DCC: variants seen among roughly 807,000 people sequenced by gnomAD.
The protein encoded by DCC is DCC netrin 1 receptor.
In DCC, 58 loss-of-function variants were observed where a neutral mutation model predicts 172.5. The ratio of observed to expected loss-of-function variants is 0.34; its 90% CI spans 0.27 to 0.42. DCC has a LOEUF of 0.42. DCC is among the 10% of genes least tolerant of loss of function. The pLI is 1.00. For synonymous variants in DCC, 709 were observed against 644.5 expected (o/e 1.10, Z -1.52); for missense variants, 1,740 against 1,791.0 (o/e 0.97, Z 0.51).
rs1330722397 is a variant in DCC, at chr18:53,351,314, T to TATATAC, written c.2359+11408_2359+11409insTATACA. Among the ~76,000 whole-genome samples the TATATAC allele has an allele frequency of 1.0e-3, 19 of 18,240 alleles. 1 individual carries two copies. Among genetic ancestry groups the TATATAC allele is most frequent in the South Asian group, 6.0e-3 (2 of 336 alleles). 12.0% of individuals were successfully genotyped at this position (18,240 alleles called of 152,430 possible). ...CAGTATATATATATATATATATATA[T>TATATAC]ACACTGTATATATATATACAGTGTA... is the stretch of plus-strand genomic sequence containing the variant. On this transcript the variant is annotated intron_variant, in intron 15 of 28. Coordinates refer to ENST00000442544, the MANE Select transcript of DCC (RefSeq NM_005215.4).
intron 25 of DCC, among the ~76,000 whole-genome samples, chr18:53,482,796 ATCAGT>A (rs1206596062): frequency 6.6e-6 from 1 of 151,998 alleles, no homozygotes; most frequent in Non-Finnish European, 1.5e-5. Flanking sequence ...GATCCATTTG[ATCAGT>A]AAGACAGGTG....
chr18:52,512,244 C>G (rs571988025), intron 1 of DCC, among the ~76,000 whole-genome samples: 29 of 152,308 alleles, frequency 1.9e-4, no homozygotes, highest in African/African-American at 6.3e-4. Context: ...CTTTCCTCTA[C>G]CATTCCTGTG....
chr18:52,983,935 G>GC (rs2145608918), intron 5 of DCC, among the ~76,000 whole-genome samples: 1 of 152,226 alleles, frequency 6.6e-6, no homozygotes, highest in Admixed American at 6.5e-5. Flanking sequence ...ATGGCACTGA[G>GC]CTGAGTTAGG....
chr18:52,890,210 G>C (rs1179110886), intron 2 of DCC, among the ~76,000 whole-genome samples: 2 of 152,148 alleles, frequency 1.3e-5, no homozygotes, highest in African/African-American at 2.4e-5. Context: ...AGTGTCTGCT[G>C]TGTACCAGGC....
intron 21 of DCC, among the ~76,000 whole-genome samples, chr18:53,421,090 T>C (rs1910623629): frequency 6.6e-6 from 1 of 152,154 alleles, no homozygotes; most frequent in African/African-American, 2.4e-5. Context: ...GCAATGGAGG[T>C]TAGCTGTAAC....
chr18:52,685,651 C>T (rs1030541049), intron 1 of DCC, among the ~76,000 whole-genome samples: 1 of 152,042 alleles, frequency 6.6e-6, no homozygotes, highest in Non-Finnish European at 1.5e-5. Context: ...CCTCTCTGGC[C>T]ATGGGAAATA....
chr18:52,691,322 G>T (rs2035927319), intron 1 of DCC, among the ~76,000 whole-genome samples: 1 of 152,082 alleles, frequency 6.6e-6, no homozygotes, highest in Non-Finnish European at 1.5e-5. Context: ...ACATAAGTTT[G>T]CTTCTATGAC....
intron 1 of DCC, among the ~76,000 whole-genome samples, chr18:52,738,268 G>C (rs548764263): frequency 6.6e-6 from 1 of 152,210 alleles, no homozygotes; most frequent in East Asian, 1.9e-4. Context: ...GTATAGTTAG[G>C]TGATTTTGTC....
intron 3 of DCC, among the ~76,000 whole-genome samples, chr18:52,915,847 G>A (rs547318355): frequency 9.2e-5 from 14 of 152,116 alleles, no homozygotes; most frequent in African/African-American, 2.9e-4. Context: ...AGGAAAATGG[G>A]CTTCTTGAGT....
intron 5 of DCC, among the ~76,000 whole-genome samples, chr18:52,951,272 T>C (rs2040641986): frequency 6.6e-6 from 1 of 152,138 alleles, no homozygotes; most frequent in Admixed American, 6.5e-5. Flanking sequence ...ACTTTACAAA[T>C]CTTTTTTTTT....
At chr18:53,304,988 A>G (rs2057182726) in intron 12 of DCC, among the ~76,000 whole-genome samples, 1 of 152,186 alleles carries the variant, frequency 6.6e-6, no homozygotes, top group South Asian at 2.1e-4. Context: ...TTCTCATGAT[A>G]GTAAATAAGT....
intron 7 of DCC, among the ~76,000 whole-genome samples, chr18:53,071,156 T>TA (rs528008211): frequency 2.0e-5 from 3 of 152,212 alleles, no homozygotes; most frequent in Non-Finnish European, 4.4e-5. Flanking sequence ...CCAGTGTCTG[T>TA]AGTTGTCGGA....
At chr18:53,393,421 T>C (rs1029146257) in intron 17 of DCC, among the ~76,000 whole-genome samples, 2 of 152,204 alleles carry the variant, frequency 1.3e-5, no homozygotes, top group Non-Finnish European at 2.9e-5. Flanking sequence ...AGGTATGTGG[T>C]AAGTACCCTA....
At chr18:52,433,884 G>T (rs1411454600) in intron 1 of DCC, among the ~76,000 whole-genome samples, 1 of 152,106 alleles carries the variant, frequency 6.6e-6, no homozygotes, top group Admixed American at 6.5e-5. Flanking sequence ...CTCAAGTGTT[G>T]TCTGGTTTCC....
intron 23 of DCC, among the ~76,000 whole-genome samples, chr18:53,452,890 G>GGTTT (rs10553364): frequency 0.11 from 16,807 of 150,242 alleles, 1,203 homozygotes; most frequent in East Asian, 0.27. Context: ...AGTTTAGTGG[G>GGTTT]GTTTGTTTGT....
intron 6 of DCC, among the ~76,000 whole-genome samples, chr18:53,064,199 A>C (rs1353238798): frequency 6.6e-6 from 1 of 152,180 alleles, no homozygotes; most frequent in African/African-American, 2.4e-5. Context: ...GTACACATGG[A>C]GTGCTCAATA....
chr18:53,431,286 T>A (rs1485977032), intron 21 of DCC, among the ~76,000 whole-genome samples: 1 of 151,902 alleles, frequency 6.6e-6, no homozygotes, highest in Non-Finnish European at 1.5e-5. Context: ...AGCTTTTTTT[T>A]TTTTTATGAA....
chr18:52,852,662 G>A (rs4384683), intron 2 of DCC, among the ~76,000 whole-genome samples: 86,174 of 151,784 alleles, frequency 0.57, 24,807 homozygotes, highest in South Asian at 0.77. Context: ...TATTTTAACC[G>A]AAGAATTCAG....
chr18:53,337,634 A>ATCTTTG (rs2057606780), intron 14 of DCC, among the ~76,000 whole-genome samples: 1 of 152,172 alleles, frequency 6.6e-6, no homozygotes, highest in Non-Finnish European at 1.5e-5. Context: ...TTGCCCACAA[A>ATCTTTG]GGGCCATCTT....
Sources: gnomAD v4.1 joint callset for allele counts (sites outside exome capture counted in the v4.1 genomes callset) on GRCh38, gnomAD v4.1.1 for gene constraint, MANE v1.5 for transcripts, NCBI Gene and HGNC (gene_info 2026-07-23, HGNC 2026-07-21) for gene names.